The following CAMTA1 variants were observed in gnomAD, a reference collection of about 807,000 sequenced individuals.
The protein encoded by CAMTA1 is calmodulin binding transcription activator 1.
In CAMTA1, 27 loss-of-function variants were observed where a neutral mutation model predicts 170.9. The observed-to-expected ratio is 0.16, with a 90% CI of 0.12 to 0.22. CAMTA1 has a LOEUF of 0.22. Ranked by LOEUF, CAMTA1 falls within the 10% of genes least tolerant of loss-of-function variation. The probability of loss-of-function intolerance (pLI) is 1.00; values close to 1 mark genes in which losing one functional copy is unlikely to be tolerated. For missense variants in CAMTA1, 1,619 were observed against 2,217.2 expected, an observed-to-expected ratio of 0.73 and a Z score of 5.42; for synonymous variants, 833 against 891.5, an observed-to-expected ratio of 0.93 and a Z score of 1.17.
intron 6 of CAMTA1, among the ~76,000 whole-genome samples, chr1:7,589,795 A>G (rs747713646): frequency 1.3e-5 from 2 of 152,146 alleles, no homozygotes; most frequent in Non-Finnish European, 2.9e-5. Flanking sequence ...GATGCAAATC[A>G]TCCTCCACTT....
At chr1:7,270,545 C>T (rs986577358) in intron 5 of CAMTA1, among the ~76,000 whole-genome samples, 2 of 152,092 alleles carry the variant, frequency 1.3e-5, no homozygotes, top group African/African-American at 2.4e-5. Context: ...ATCCGCCTGC[C>T]TTGGCCTCCC....
intron 5 of CAMTA1, among the ~76,000 whole-genome samples, chr1:7,255,870 T>G (rs763258970): frequency 5.9e-5 from 9 of 152,196 alleles, no homozygotes; most frequent in Non-Finnish European, 1.3e-4. Context: ...TCGTTGGTTG[T>G]GCATCTGGGA....
At chr1:7,259,731 T>A (rs1027537943) in intron 5 of CAMTA1, among the ~76,000 whole-genome samples, 3 of 152,256 alleles carry the variant, frequency 2.0e-5, no homozygotes, top group African/African-American at 7.2e-5. Flanking sequence ...GGCTGGAGCT[T>A]ATCATTCTTT....
chr1:6,916,945 C>T (rs1892262), intron 3 of CAMTA1, among the ~76,000 whole-genome samples: 73,434 of 151,984 alleles, frequency 0.48, 18,874 homozygotes, highest in Non-Finnish European at 0.58. Flanking sequence ...GGGACAATTA[C>T]AGGCCATTCT....
chr1:7,174,169 T>C (rs1045536588), intron 4 of CAMTA1, among the ~76,000 whole-genome samples: 3 of 152,138 alleles, frequency 2.0e-5, no homozygotes, highest in Non-Finnish European at 4.4e-5. Context: ...AAGGAGCAGC[T>C]CTGTCAGGCC....
At chr1:7,408,353 C>T (rs767873907) in intron 5 of CAMTA1, among the ~76,000 whole-genome samples, 1 of 152,226 alleles carries the variant, frequency 6.6e-6, no homozygotes, top group African/African-American at 2.4e-5. Flanking sequence ...AGGTGGAGCC[C>T]CTGAGCCTTC....
chr1:6,823,264 C>T (rs1008251985), intron 2 of CAMTA1, among the ~76,000 whole-genome samples: 2 of 151,996 alleles, frequency 1.3e-5, no homozygotes, highest in Non-Finnish European at 2.9e-5. Flanking sequence ...GAACCTCCCT[C>T]GGGAGGATGA....
intron 3 of CAMTA1, among the ~76,000 whole-genome samples, chr1:6,929,207 T>A (rs1683918998): frequency 6.6e-6 from 1 of 152,172 alleles, no homozygotes; most frequent in South Asian, 2.1e-4. Flanking sequence ...CAAGACAGAG[T>A]CTCGCTGTGT....
intron 5 of CAMTA1, among the ~76,000 whole-genome samples, chr1:7,353,532 C>T (rs1208513419): frequency 6.7e-6 from 1 of 149,942 alleles, no homozygotes; most frequent in African/African-American, 2.5e-5. Context: ...ATCAAGCAAT[C>T]TCCTGCCTTA....
intron 11 of CAMTA1, among the ~76,000 whole-genome samples, chr1:7,724,965 G>A (rs2149818937): frequency 6.6e-6 from 1 of 152,306 alleles, no homozygotes; most frequent in South Asian, 2.1e-4. Flanking sequence ...CACAGTGACA[G>A]GATTAAACCT....
At chr1:7,250,607 T>A (rs1558308671) in intron 5 of CAMTA1, among the ~76,000 whole-genome samples, 1 of 152,220 alleles carries the variant, frequency 6.6e-6, no homozygotes, top group Non-Finnish European at 1.5e-5. Context: ...TCCACGCCAA[T>A]GTTTTTTGTG....
intron 3 of CAMTA1, among the ~76,000 whole-genome samples, chr1:6,973,849 G>A (rs1215918372): frequency 6.6e-6 from 1 of 152,134 alleles, no homozygotes; most frequent in East Asian, 1.9e-4. Flanking sequence ...AGTGGCTGGC[G>A]GGAGGTGGAA....
At chr1:7,567,038 G>A (rs1387522257) in intron 6 of CAMTA1, among the ~76,000 whole-genome samples, 1 of 152,238 alleles carries the variant, frequency 6.6e-6, no homozygotes. Flanking sequence ...GAGGCTCAGA[G>A]CAGACAGCTG....
intron 4 of CAMTA1, among the ~76,000 whole-genome samples, chr1:7,201,707 A>C (rs898507037): frequency 2.6e-5 from 4 of 152,206 alleles, no homozygotes; most frequent in African/African-American, 9.6e-5. Context: ...ATGTCTATTC[A>C]GAGGCTTTGC....
At chr1:7,717,737 A>T (rs2096621630) in intron 11 of CAMTA1, among the ~76,000 whole-genome samples, 1 of 152,146 alleles carries the variant, frequency 6.6e-6, no homozygotes, top group Admixed American at 6.5e-5. Flanking sequence ...AAAAAAAAAT[A>T]AAAAAATAAA....
At chr1:7,043,557 A>C (rs1056298811) in intron 3 of CAMTA1, among the ~76,000 whole-genome samples, 1 of 152,224 alleles carries the variant, frequency 6.6e-6, no homozygotes, top group Admixed American at 6.5e-5. Flanking sequence ...GCTCGGCGGA[A>C]AACATTTACC....
At chr1:6,904,526 C>A (rs1677867465) in intron 3 of CAMTA1, among the ~76,000 whole-genome samples, 1 of 151,088 alleles carries the variant, frequency 6.6e-6, no homozygotes, top group Non-Finnish European at 1.5e-5. Context: ...CTCCCCTGAA[C>A]TTTAAGCCTT....
At chr1:7,268,485 G>C (rs1669242217) in intron 5 of CAMTA1, among the ~76,000 whole-genome samples, 1 of 152,166 alleles carries the variant, frequency 6.6e-6, no homozygotes, top group Non-Finnish European at 1.5e-5. Flanking sequence ...AGAACTGGCA[G>C]ATGTTCAAGT....
At chr1:7,152,167 G>A (rs934036499) in intron 4 of CAMTA1, among the ~76,000 whole-genome samples, 9 of 152,324 alleles carry the variant, frequency 5.9e-5, no homozygotes, top group South Asian at 2.1e-4. Flanking sequence ...AGCCCACACC[G>A]TGCAGGAGAT....
Sources: allele counts gnomAD v4.1 joint callset (sites outside exome capture counted in the v4.1 genomes callset), GRCh38; gene constraint gnomAD v4.1.1; transcripts MANE v1.5; gene names NCBI Gene and HGNC (gene_info 2026-07-23, HGNC 2026-07-21).